The following VAMP7 variants were observed in gnomAD, a reference collection of about 807,000 sequenced individuals.
The protein encoded by VAMP7 is vesicle-associated membrane protein 7.
A neutral mutation model predicts 29.6 loss-of-function variants in VAMP7; 14 were observed. The ratio of observed to expected loss-of-function variants is 0.47; its 90% CI spans 0.31 to 0.74. The LOEUF is 0.74. Ranked by LOEUF, VAMP7 falls within the 30% of genes least tolerant of loss-of-function variation. The pLI, the probability that VAMP7 is intolerant of heterozygous loss-of-function variation, is 0.05. For synonymous variants in VAMP7, 95 were observed against 88.1 expected (o/e 1.08, Z -0.44); for missense variants, 223 against 262.4 (o/e 0.85, Z 1.04).
chrX:155,885,934 T>C lies in VAMP7; in HGVS notation c.-9-3524T>C, dbSNP rs184004589. Among the ~76,000 whole-genome samples the C allele has an allele frequency of 1.2e-3, 187 of 152,302 alleles. 2 individuals carry two copies. The highest frequency in any genetic ancestry group is 4.4e-3 in the African/African-American group (183 of 41,568). On this transcript the variant is annotated intron_variant, in intron 1 of 7. Transcript: ENST00000286448. The stretch of plus-strand genomic sequence containing the variant: ...TTAAGCAACCAAGTTTTTGGTACTT[T>C]ATTACTGCAGCTACAAGAAACTAAT...
chrX:155,896,004 G>A (rs374173302), intron 3 of VAMP7, among the ~76,000 whole-genome samples: 71 of 152,180 alleles, frequency 4.7e-4, no homozygotes, highest in African/African-American at 1.3e-3. Context: ...GTTTAATCCC[G>A]AAACCATTCA....
chrX:155,922,293 C>T (rs2066407424), intron 6 of VAMP7, among the ~76,000 whole-genome samples: 1 of 151,844 alleles, frequency 6.6e-6, no homozygotes, highest in Non-Finnish European at 1.5e-5. Flanking sequence ...AACATCCTTG[C>T]CTATTGACCA....
intron 3 of VAMP7, 71 bp downstream of exon 3, chrX:155,895,751 T>C: frequency 6.9e-7 from 1 of 1,439,864 alleles, no homozygotes; most frequent in East Asian, 2.3e-5. Context: ...TAATTATCTA[T>C]ACCAGGGGTC....
chrX:155,896,688 T>C (rs1214835177), intron 3 of VAMP7, among the ~76,000 whole-genome samples: 5 of 152,118 alleles, frequency 3.3e-5, no homozygotes, highest in Non-Finnish European at 5.9e-5. Flanking sequence ...CCCAGCTGCA[T>C]GCCCTCCCCT....
chrX:155,908,717 T>C (rs2066189337), intron 5 of VAMP7, among the ~76,000 whole-genome samples: 1 of 152,308 alleles, frequency 6.6e-6, no homozygotes, highest in East Asian at 1.9e-4. Context: ...TTGTATTAAT[T>C]CTTGAAATGT....
At chrX:155,894,353 T>G (rs1231491873) in intron 2 of VAMP7, among the ~76,000 whole-genome samples, 4 of 148,820 alleles carry the variant, frequency 2.7e-5, no homozygotes, top group African/African-American at 7.4e-5. Flanking sequence ...GCAAATCTGA[T>G]CACACCCTCC....
At chrX:155,896,407 G>A (rs186698418) in intron 3 of VAMP7, among the ~76,000 whole-genome samples, 1 of 152,132 alleles carries the variant, frequency 6.6e-6, no homozygotes, top group Non-Finnish European at 1.5e-5. Flanking sequence ...GTGAACTTTG[G>A]AAAAACAAAA....
chrX:155,942,184 T>C lies in VAMP7; in HGVS notation c.*233T>C. On this transcript the variant is annotated 3_prime_UTR_variant, in exon 8 of 8. Coordinates refer to ENST00000286448, the MANE Select transcript of VAMP7 (RefSeq NM_005638.6). ...ATTGCAGCAGTAGCCTTAAAAAGGC[T>C]TTTGTTTATTTCTTTGGTTTGTTAA... is the stretch of plus-strand genomic sequence containing the variant. The C allele has an allele frequency of 6.5e-7, 1 of 1,534,756 alleles. No individual in the cohort carries two copies. Among genetic ancestry groups the C allele is most frequent in the Non-Finnish European group, 8.8e-7 (1 of 1,139,550 alleles).
rs373859368 is a variant in VAMP7 at position 155,937,821 on chromosome X, CAT to C, written c.502-1879_502-1878del. Among the ~76,000 whole-genome samples, 289 of 152,242 alleles carry C rather than the reference CAT, an allele frequency of 1.9e-3. 1 individual carries two copies. The highest frequency in any genetic ancestry group is 6.8e-3 in the African/African-American group (281 of 41,550). On this transcript the variant is annotated intron_variant, in intron 6 of 7. Coordinates refer to ENST00000286448, the MANE Select transcript of VAMP7 (RefSeq NM_005638.6). ...ATCAGTACCAGGCACATAATAAGCA[CAT>C]GTTAAATATCTGTTGATCGTATAAA... is the stretch of plus-strand genomic sequence containing the variant.
intron 2 of VAMP7, among the ~76,000 whole-genome samples, chrX:155,890,387 G>A (rs2065912887): frequency 6.6e-6 from 1 of 151,876 alleles, no homozygotes; most frequent in Non-Finnish European, 1.5e-5. Flanking sequence ...TAGAAACAGA[G>A]TCTCACTCTG....
intron 6 of VAMP7, among the ~76,000 whole-genome samples, chrX:155,938,253 A>T (rs1460394503): frequency 3.9e-5 from 6 of 152,144 alleles, no homozygotes; most frequent in Non-Finnish European, 8.8e-5. Flanking sequence ...TAGTCAATGC[A>T]TATATTCTAT....
chrX:155,913,177 T>G (rs1387202722), intron 5 of VAMP7, among the ~76,000 whole-genome samples: 1 of 152,220 alleles, frequency 6.6e-6, no homozygotes, highest in Non-Finnish European at 1.5e-5. Context: ...ATGTCTTCTT[T>G]TGAGAAGTGT....
intron 6 of VAMP7, among the ~76,000 whole-genome samples, chrX:155,921,041 C>A (rs1183820028): frequency 7.9e-5 from 12 of 152,120 alleles, no homozygotes; most frequent in Admixed American, 7.9e-4. Flanking sequence ...GTATCTGATT[C>A]CAGATCTGCA....
rs748642434 is a variant in VAMP7 at position 155,932,057 on chromosome X, A to C, written c.502-7644A>C. 5.9e-5 allele frequency among the ~76,000 whole-genome samples: 9 copies of C among 152,050 alleles called. No individual in the cohort carries two copies. In the East Asian group the frequency reaches 7.7e-4, roughly 13 times the overall value. On this transcript the variant is annotated intron_variant, in intron 6 of 7. Coordinates refer to ENST00000286448, the MANE Select transcript of VAMP7 (RefSeq NM_005638.6). Reference sequence around the variant, plus strand: ...ACTTCTGAGGGCTCTGTTCTGTTCCATTGGTCTATATCTCTGTTTTGGTAC... The same window carrying C: ...ACTTCTGAGGGCTCTGTTCTGTTCCCTTGGTCTATATCTCTGTTTTGGTAC...
intron 5 of VAMP7, among the ~76,000 whole-genome samples, chrX:155,916,110 T>C (rs1256864271): frequency 6.6e-6 from 1 of 152,224 alleles, no homozygotes; most frequent in Non-Finnish European, 1.5e-5. Context: ...CATTATGTAA[T>C]GCCCTTTTTT....
intron 6 of VAMP7, among the ~76,000 whole-genome samples, chrX:155,931,299 G>A (rs75887487): frequency 6.6e-6 from 1 of 152,166 alleles, no homozygotes; most frequent in Non-Finnish European, 1.5e-5. Context: ...GTCTTTCACA[G>A]TGGTTGAACT....
chrX:155,932,216 T>C (rs2066569972), intron 6 of VAMP7, among the ~76,000 whole-genome samples: 1 of 152,170 alleles, frequency 6.6e-6, no homozygotes, highest in African/African-American at 2.4e-5. Context: ...CACATGAACT[T>C]TAAAGTAGTT....
At chrX:155,920,852 A>G (rs965990311) in intron 6 of VAMP7, among the ~76,000 whole-genome samples, 5 of 152,230 alleles carry the variant, frequency 3.3e-5, no homozygotes, top group African/African-American at 7.2e-5. Flanking sequence ...AGGGACATCT[A>G]TTAGCAGCAG....
intron 5 of VAMP7, among the ~76,000 whole-genome samples, chrX:155,903,362 A>G (rs1202025067): frequency 6.6e-6 from 1 of 152,158 alleles, no homozygotes; most frequent in African/African-American, 2.4e-5. Flanking sequence ...AATGCGATCT[A>G]ATTAAACTAA....
Sources: gnomAD v4.1 joint callset for allele counts (sites outside exome capture counted in the v4.1 genomes callset) on GRCh38, gnomAD v4.1.1 for gene constraint, MANE v1.5 for transcripts, NCBI Gene and HGNC (gene_info 2026-07-23, HGNC 2026-07-21) for gene names.